The following NAALADL2 variants were observed in gnomAD, a reference collection of about 807,000 sequenced individuals.
The protein encoded by NAALADL2 is inactive N-acetylated-alpha-linked acidic dipeptidase-like protein 2.
NAALADL2 carries 76 observed loss-of-function variants against 87.2 expected under a neutral mutation model. The observed-to-expected ratio is 0.87, with a 90% CI of 0.72 to 1.05. The LOEUF is 1.05. Among genes scored for constraint, NAALADL2 ranks in the 50% least tolerant of loss-of-function variants. The pLI, the probability that NAALADL2 is intolerant of heterozygous loss-of-function variation, is 0.00. For missense variants in NAALADL2, 1,089 were observed against 945.8 expected (o/e 1.15, Z -1.99); for synonymous variants, 354 against 331.0 (o/e 1.07, Z -0.75).
At chr3:175,559,048 C>T (rs1715828758) in intron 9 of NAALADL2, among the ~76,000 whole-genome samples, 1 of 151,936 alleles carries the variant, frequency 6.6e-6, no homozygotes, top group Admixed American at 6.6e-5. Flanking sequence ...TGATTTTTTT[C>T]AATATATGAA....
intron 13 of NAALADL2, among the ~76,000 whole-genome samples, chr3:175,786,569 C>A (rs968190677): frequency 1.3e-5 from 2 of 152,132 alleles, no homozygotes; most frequent in African/African-American, 4.8e-5. Flanking sequence ...TTAAGCACTT[C>A]TCTGTATTGG....
chr3:174,694,905 C>T (rs1363446723), intron 2 of NAALADL2, among the ~76,000 whole-genome samples: 2 of 151,916 alleles, frequency 1.3e-5, no homozygotes, highest in Non-Finnish European at 2.9e-5. Flanking sequence ...AAGCCCTCTC[C>T]CAAATCTTGA....
In NAALADL2 at chr3:175,296,043, T is replaced by C. The variant is rs182006780; in HGVS notation, c.940-28132T>C. ...TTGATAATTTCCAACTTAGTTTACA[T>C]TCTCCTATCAGGGGAAGCTTTCCTT... On this transcript the variant is annotated intron_variant, in intron 4 of 13. Coordinates refer to ENST00000454872, the MANE Select transcript of NAALADL2 (RefSeq NM_207015.3). Among the ~76,000 whole-genome samples the C allele has an allele frequency of 4.1e-3, 156 of 37,712 alleles. 1 individual carries two copies. The highest frequency in any genetic ancestry group is 7.6e-3 in the African/African-American group (142 of 18,644). 24.7% of individuals were successfully genotyped at this position (37,712 alleles called of 152,430 possible).
chr3:175,032,409 T>A (rs1183142793), intron 1 of NAALADL2, among the ~76,000 whole-genome samples: 1 of 152,058 alleles, frequency 6.6e-6, no homozygotes. Context: ...ATTTCTTTTT[T>A]TATATCAAGA....
intron 9 of NAALADL2, among the ~76,000 whole-genome samples, chr3:175,516,047 T>C (rs1232410912): frequency 1.3e-5 from 2 of 152,346 alleles, no homozygotes; most frequent in Non-Finnish European, 2.9e-5. Context: ...ACAATACTCA[T>C]AATGCCCATT....
rs190957319 is a variant in NAALADL2, at chr3:175,389,433, A to G, written c.1091-57796A>G. On this transcript the variant is annotated intron_variant, in intron 5 of 13. Coordinates refer to ENST00000454872, the MANE Select transcript of NAALADL2 (RefSeq NM_207015.3). ...TTTATAAGTTAAGTGTTAAATTGAA[A>G]TATTATCTTATCAATATAAGCACAG... 4.6e-4 allele frequency among the ~76,000 whole-genome samples: 70 copies of G among 152,288 alleles called. 1 individual carries two copies. In the East Asian group the frequency reaches 0.013, roughly 29 times the overall value.
chr3:175,330,609 T>A (rs1761283193), intron 5 of NAALADL2, among the ~76,000 whole-genome samples: 1 of 151,802 alleles, frequency 6.6e-6, no homozygotes, highest in South Asian at 2.1e-4. Context: ...TTGAAACAAA[T>A]GAAAATTGAA....
intron 11 of NAALADL2, among the ~76,000 whole-genome samples, chr3:175,687,435 G>A (rs1736445889): frequency 6.6e-6 from 1 of 152,094 alleles, no homozygotes; most frequent in Non-Finnish European, 1.5e-5. Flanking sequence ...AGCTTTATGA[G>A]TAGAAGAAAT....
chr3:174,717,123 T>A (rs1374034770), intron 2 of NAALADL2, among the ~76,000 whole-genome samples: 1 of 152,206 alleles, frequency 6.6e-6, no homozygotes, highest in Non-Finnish European at 1.5e-5. Context: ...AAGGCAGATA[T>A]CTTTAGAACT....
chr3:175,188,332 G>C (rs1395709241), intron 2 of NAALADL2, among the ~76,000 whole-genome samples: 1 of 152,066 alleles, frequency 6.6e-6, no homozygotes, highest in Non-Finnish European at 1.5e-5. Flanking sequence ...AGGCTAAGTG[G>C]AGCAATCATC....
chr3:175,459,122 T>C (rs557397884), intron 6 of NAALADL2, among the ~76,000 whole-genome samples: 1 of 151,952 alleles, frequency 6.6e-6, no homozygotes, highest in Non-Finnish European at 1.5e-5. Context: ...AAAAGAAAAT[T>C]AGCACAACAA....
intron 11 of NAALADL2, among the ~76,000 whole-genome samples, chr3:175,724,864 GA>G (rs1583022780): frequency 6.6e-6 from 1 of 151,818 alleles, no homozygotes; most frequent in Non-Finnish European, 1.5e-5. Context: ...TAATAAAACA[GA>G]GGTTTATTTT....
At chr3:174,577,409 A>G (rs150215139) in intron 2 of NAALADL2, among the ~76,000 whole-genome samples, 449 of 152,296 alleles carry the variant, frequency 2.9e-3, no homozygotes, top group Non-Finnish European at 4.5e-3. Flanking sequence ...GAAAGATTGT[A>G]CAGTGACCAG....
intron 3 of NAALADL2, among the ~76,000 whole-genome samples, chr3:174,749,895 T>A (rs1734654211): frequency 6.6e-6 from 1 of 152,218 alleles, no homozygotes; most frequent in Non-Finnish European, 1.5e-5. Flanking sequence ...TATGTTAATG[T>A]CTCTTTCTCT....
chr3:175,519,175 C>T (rs1732290500), intron 9 of NAALADL2, among the ~76,000 whole-genome samples: 1 of 152,166 alleles, frequency 6.6e-6, no homozygotes, highest in Non-Finnish European at 1.5e-5. Context: ...CCAAGTAGGT[C>T]AGATTTTCTT....
intron 1 of NAALADL2, among the ~76,000 whole-genome samples, chr3:174,454,465 C>T (rs1715696407): frequency 6.6e-6 from 1 of 152,138 alleles, no homozygotes; most frequent in Non-Finnish European, 1.5e-5. Context: ...TACACATACT[C>T]TAAAGTCGAC....
intron 3 of NAALADL2, among the ~76,000 whole-genome samples, chr3:174,833,964 G>A (rs1020836027): frequency 1.3e-5 from 2 of 150,694 alleles, no homozygotes; most frequent in African/African-American, 2.4e-5. Context: ...GGTAAAAACT[G>A]AATGCTTTCT....
intron 6 of NAALADL2, among the ~76,000 whole-genome samples, chr3:175,452,232 TC>T (rs1721684888): frequency 7.9e-5 from 12 of 151,382 alleles, no homozygotes; most frequent in African/African-American, 2.4e-4. Context: ...CTTCAGATTC[TC>T]TCTCTCTCTC....
intron 13 of NAALADL2, among the ~76,000 whole-genome samples, chr3:175,770,171 C>A (rs574290573): frequency 6.6e-6 from 1 of 152,112 alleles, no homozygotes; most frequent in Non-Finnish European, 1.5e-5. Flanking sequence ...TAAAATTAAT[C>A]ATCACAGAGA....
Sources: allele counts gnomAD v4.1 joint callset (sites outside exome capture counted in the v4.1 genomes callset), GRCh38; gene constraint gnomAD v4.1.1; transcripts MANE v1.5; gene names NCBI Gene and HGNC (gene_info 2026-07-23, HGNC 2026-07-21).